PPA1: variants seen among roughly 807,000 people sequenced by gnomAD.
PPA1 encodes the protein inorganic pyrophosphatase 1, also known as inorganic pyrophosphatase.
Under a neutral mutation model 41.8 loss-of-function variants are expected in PPA1, and 23 were observed. That is an observed-to-expected ratio of 0.55 (90% CI 0.40 to 0.78). PPA1 has a LOEUF of 0.78. Ranked by LOEUF, PPA1 falls within the 30% of genes least tolerant of loss-of-function variation. PPA1 has a pLI of 0.00. For missense variants in PPA1, 320 were observed against 361.6 expected (o/e 0.89, Z 0.93); for synonymous variants, 101 against 116.8 (o/e 0.86, Z 0.87).
chr10:70,209,666 C>G lies in PPA1; in HGVS notation c.531G>C (p.Arg177=). The G allele has an allele frequency of 6.2e-7, 1 of 1,600,360 alleles. No individual in the cohort carries two copies. The highest frequency in any genetic ancestry group is 8.5e-7 in the Non-Finnish European group (1 of 1,171,184). Residue 177 remains arginine (R), a synonymous_variant, in exon 7 of 11, where the codon CGG becomes CGC. Transcript: ENST00000373232. ...TAGCTTCTAAGTAGCCAGGTTTCAG[C>G]CGTTTGACATCATTGATATCTAAGA... The part of the protein sequence containing the change: ...ANYNDINDVK[R]LKPGYLEATV...
intron 2 of PPA1, among the ~76,000 whole-genome samples, chr10:70,219,445 C>T (rs539035458): frequency 1.3e-5 from 2 of 152,250 alleles, no homozygotes; most frequent in Admixed American, 1.3e-4. Context: ...ATAAGACAAA[C>T]CCCAAGTCAG....
chr10:70,230,236 C>A, intron 2 of PPA1, 105 bp downstream of exon 2: 1 of 1,334,536 alleles, frequency 7.5e-7, no homozygotes, highest in Non-Finnish European at 1.1e-6. Flanking sequence ...GCTCACAGCA[C>A]AACGAGGCAT....
At chr10:70,206,393 TA>T in intron 8 of PPA1, 60 bp from the exon 9 acceptor site, 1 of 1,296,956 alleles carries the variant, frequency 7.7e-7, no homozygotes, top group South Asian at 1.2e-5. Context: ...TCTTAAGAGT[TA>T]AAAAATGAGT....
chr10:70,230,270 A>G (rs918100847), intron 2 of PPA1, 71 bp downstream of exon 2: 47 of 1,533,070 alleles, frequency 3.1e-5, no homozygotes, highest in Non-Finnish European at 3.9e-5. Context: ...TGAGAGACAT[A>G]TAAGAAAATT....
At chr10:70,205,016 A>G (rs1477753848) in intron 9 of PPA1, 101 bp from the exon 10 acceptor site, 6 of 819,734 alleles carry the variant, frequency 7.3e-6, no homozygotes, top group Non-Finnish European at 1.2e-5. Flanking sequence ...GACTATCCCA[A>G]ATTTTAGGAT....
intron 2 of PPA1, among the ~76,000 whole-genome samples, chr10:70,219,569 T>C (rs73275665): frequency 0.021 from 3,134 of 152,316 alleles, 118 homozygotes; most frequent in African/African-American, 0.072. Flanking sequence ...TTATCCACAT[T>C]ATTCTCCCAA....
At chr10:70,216,276 A>C in intron 4 of PPA1, among the ~76,000 whole-genome samples, 1 of 152,052 alleles carries the variant, frequency 6.6e-6, no homozygotes. Flanking sequence ...TCACAAGGTC[A>C]GGAGTTTGAG....
At chr10:70,218,707 G>A in intron 3 of PPA1, 57 bp downstream of exon 3, 1 of 1,307,356 alleles carries the variant, frequency 7.6e-7, no homozygotes, top group South Asian at 1.2e-5. Flanking sequence ...TCAAGTCAGT[G>A]TGACTAGATC....
intron 1 of PPA1, among the ~76,000 whole-genome samples, chr10:70,230,732 G>A (rs926427920): frequency 6.6e-6 from 1 of 152,142 alleles, no homozygotes; most frequent in Non-Finnish European, 1.5e-5. Context: ...GCCTCCCAAA[G>A]GGCTGGAATT....
chr10:70,228,687 TC>T (rs1338000829), intron 2 of PPA1, among the ~76,000 whole-genome samples: 1 of 152,130 alleles, frequency 6.6e-6, no homozygotes, highest in East Asian at 1.9e-4. Context: ...CAATTAGAAG[TC>T]CCTCCTGTAT....
intron 2 of PPA1, among the ~76,000 whole-genome samples, chr10:70,227,220 T>C (rs973722847): frequency 1.3e-5 from 2 of 152,252 alleles, no homozygotes; most frequent in African/African-American, 4.8e-5. Context: ...AAATATCCAG[T>C]GAGCCCTTGC....
chr10:70,230,371 T>G lies in PPA1; in HGVS notation c.93A>C (p.Pro31=). ...LKNEKGQYIS[P]FHDIPIYADK... ...CTGCATAAATTGGAATATCATGAAATGGAGATATATATTGTCCTTTCTCAT... is the reference window on the plus strand; with the variant it reads ...CTGCATAAATTGGAATATCATGAAAGGGAGATATATATTGTCCTTTCTCAT... Residue 31 remains proline (P), a synonymous_variant, in exon 2 of 11, where the codon CCA becomes CCC. Coordinates refer to ENST00000373232, the MANE Select transcript of PPA1 (RefSeq NM_021129.4). 2 of 1,612,790 alleles carry G rather than the reference T, an allele frequency of 1.2e-6. No homozygotes were observed. The highest frequency in any genetic ancestry group is 1.7e-6 in the Non-Finnish European group (2 of 1,179,414).
At chr10:70,219,268 T>C (rs1840109942) in intron 2 of PPA1, among the ~76,000 whole-genome samples, 1 of 152,078 alleles carries the variant, frequency 6.6e-6, no homozygotes, top group South Asian at 2.1e-4. Flanking sequence ...AAGCTGACAG[T>C]GGAAAGAATG....
At chr10:70,209,771 A>G (rs1170858677) in intron 6 of PPA1, 86 bp from the exon 7 acceptor site, 6 of 1,410,600 alleles carry the variant, frequency 4.3e-6, no homozygotes, top group Non-Finnish European at 4.9e-6. Context: ...AGATGCACAA[A>G]TAATTATACA....
At chr10:70,207,111 C>T (rs1385982491) in intron 8 of PPA1, among the ~76,000 whole-genome samples, 1 of 151,890 alleles carries the variant, frequency 6.6e-6, no homozygotes, top group East Asian at 1.9e-4. Context: ...TAAAATGTAT[C>T]CAAAACCTTT....
intron 2 of PPA1, among the ~76,000 whole-genome samples, chr10:70,220,763 T>TTA (rs1213175463): frequency 0.021 from 152 of 7,344 alleles, 38 homozygotes; most frequent in African/African-American, 0.044. Context: ...TATATATAAT[T>TTA]TATATATATA....
In PPA1 at chr10:70,227,242, C is replaced by T. The variant is rs571663702; in HGVS notation, c.123+3099G>A. 1.2e-4 allele frequency among the ~76,000 whole-genome samples: 18 copies of T among 152,320 alleles called. No individual in the cohort carries two copies. In the East Asian group the frequency reaches 3.5e-3, roughly 29 times the overall value. On this transcript the variant is annotated intron_variant, in intron 2 of 10. Transcript: ENST00000373232. The stretch of plus-strand genomic sequence containing the variant: ...CAGTGAGCCCTTGCCTTTACCTTCT[C>T]TACCCACTGGATTCGGAAATAATCA...
In PPA1 at chr10:70,220,549, AATAT is replaced by A. The variant is rs201808965; in HGVS notation, c.124-1736_124-1733del. ...TGTATTATATATAATTTTTATGTAT[AATAT>A]ATATATAATTATATATATAATATAT... On this transcript the variant is annotated intron_variant, in intron 2 of 10. Coordinates refer to ENST00000373232, the MANE Select transcript of PPA1 (RefSeq NM_021129.4). Among the ~76,000 whole-genome samples, 10 of 31,110 alleles carry A rather than the reference AATAT, an allele frequency of 3.2e-4. 3 individuals carry two copies. Among genetic ancestry groups the A allele is most frequent in the Non-Finnish European group, 1.8e-4 (3 of 16,546 alleles). The allele number at this position is 31,110 out of a possible 152,430, so 20.4% of individuals were successfully genotyped here.
chr10:70,218,635 A>G (rs1178747278), intron 3 of PPA1, 129 bp downstream of exon 3: 56 of 707,446 alleles, frequency 7.9e-5, no homozygotes, highest in South Asian at 1.1e-4. Flanking sequence ...GGGAGATACA[A>G]CTAGAAAATA....
Sources: gnomAD v4.1 joint callset for allele counts (sites outside exome capture counted in the v4.1 genomes callset) on GRCh38, gnomAD v4.1.1 for gene constraint, MANE v1.5 for transcripts, NCBI Gene and HGNC (gene_info 2026-07-23, HGNC 2026-07-21) for gene names.